GRK5: variants seen among roughly 807,000 people sequenced by gnomAD.
The protein encoded by GRK5 is G protein-coupled receptor kinase 5, also known as g protein-coupled receptor kinase GRK5.
A neutral mutation model predicts 78.4 loss-of-function variants in GRK5; 40 were observed. The ratio of observed to expected loss-of-function variants is 0.51; its 90% CI spans 0.40 to 0.66. The LOEUF is 0.66. Among genes scored for constraint, GRK5 ranks in the 30% least tolerant of loss-of-function variants. GRK5 has a pLI of 0.00. For missense variants in GRK5, 598 were observed against 759.9 expected, an observed-to-expected ratio of 0.79 and a Z score of 2.50; for synonymous variants, 289 against 296.8, an observed-to-expected ratio of 0.97 and a Z score of 0.27.
chr10:119,315,360 G>C (rs1236771354), intron 1 of GRK5, among the ~76,000 whole-genome samples: 1 of 152,230 alleles, frequency 6.6e-6, no homozygotes, highest in African/African-American at 2.4e-5. Flanking sequence ...TGGATGAAAA[G>C]AGACTTAGAA....
chr10:119,290,929 G>A (rs1263737114), intron 1 of GRK5, among the ~76,000 whole-genome samples: 4 of 152,174 alleles, frequency 2.6e-5, no homozygotes, highest in African/African-American at 9.7e-5. Flanking sequence ...GCCTGTCCAA[G>A]TCAGAGACAG....
At chr10:119,387,293 C>T (rs532133981) in intron 3 of GRK5, among the ~76,000 whole-genome samples, 22 of 152,278 alleles carry the variant, frequency 1.4e-4, no homozygotes, top group African/African-American at 4.8e-4. Context: ...CGTGAGCCAC[C>T]GTGCCCGGCC....
At chr10:119,393,704 G>A (rs1204098615) in intron 3 of GRK5, among the ~76,000 whole-genome samples, 2 of 152,204 alleles carry the variant, frequency 1.3e-5, no homozygotes, top group East Asian at 1.9e-4. Flanking sequence ...CTTTGGAGAC[G>A]CCACTGCTGC....
chr10:119,269,233 C>G (rs1282276941), intron 1 of GRK5, among the ~76,000 whole-genome samples: 1 of 152,156 alleles, frequency 6.6e-6, no homozygotes, highest in Non-Finnish European at 1.5e-5. Flanking sequence ...TGTTGAAGCA[C>G]GAGCCTCTTC....
At chr10:119,263,719 C>T (rs1344208182) in intron 1 of GRK5, among the ~76,000 whole-genome samples, 4 of 152,006 alleles carry the variant, frequency 2.6e-5, no homozygotes, top group African/African-American at 7.2e-5. Flanking sequence ...GTCAGAAGAT[C>T]GAGACCGTAC....
At chr10:119,359,139 G>A (rs886304043) in intron 2 of GRK5, among the ~76,000 whole-genome samples, 1 of 152,184 alleles carries the variant, frequency 6.6e-6, no homozygotes, top group African/African-American at 2.4e-5. Context: ...ACACCAGGGG[G>A]GTTGCTGGTG....
chr10:119,372,529 A>C (rs1204845796), intron 2 of GRK5, among the ~76,000 whole-genome samples: 1 of 152,212 alleles, frequency 6.6e-6, no homozygotes, highest in African/African-American at 2.4e-5. Context: ...CAAGGGACTG[A>C]AACCCAACTC....
chr10:119,411,380 C>T (rs1399243228), intron 4 of GRK5, among the ~76,000 whole-genome samples: 1 of 152,146 alleles, frequency 6.6e-6, no homozygotes, highest in Non-Finnish European at 1.5e-5. Context: ...GCCCAGAGAC[C>T]CCTTAGACTC....
intron 4 of GRK5, among the ~76,000 whole-genome samples, chr10:119,416,590 T>A (rs1408705560): frequency 2.8e-3 from 1 of 356 alleles, no homozygotes; most frequent in Non-Finnish European, 7.8e-3. Flanking sequence ...TCTCTCTCTC[T>A]TTTTTTTTTT....
intron 1 of GRK5, among the ~76,000 whole-genome samples, chr10:119,251,323 A>G (rs1849196157): frequency 1.3e-5 from 2 of 152,244 alleles, no homozygotes; most frequent in South Asian, 4.1e-4. Context: ...AAGGCTCTGT[A>G]AGAGTATTTC....
chr10:119,254,884 A>G (rs1458864955), intron 1 of GRK5, among the ~76,000 whole-genome samples: 2 of 151,978 alleles, frequency 1.3e-5, no homozygotes, highest in Non-Finnish European at 2.9e-5. Context: ...GTGAAACCCC[A>G]TCTCTACTAA....
intron 4 of GRK5, among the ~76,000 whole-genome samples, chr10:119,406,278 A>G (rs1379475941): frequency 6.6e-6 from 1 of 152,228 alleles, no homozygotes. Context: ...GGAAATGGAA[A>G]TGCTGGCTTG....
chr10:119,244,913 T>G (rs1456598192), intron 1 of GRK5, among the ~76,000 whole-genome samples: 1 of 152,220 alleles, frequency 6.6e-6, no homozygotes, highest in Non-Finnish European at 1.5e-5. Context: ...GAAAATAGTA[T>G]GGAGGTTCCT....
At chr10:119,362,047 A>G (rs1017854691) in intron 2 of GRK5, among the ~76,000 whole-genome samples, 12 of 151,554 alleles carry the variant, frequency 7.9e-5, no homozygotes, top group Non-Finnish European at 1.3e-4. Flanking sequence ...AAGCTGTCCC[A>G]CCTCCATACT....
At chr10:119,261,904 G>T (rs1849413049) in intron 1 of GRK5, among the ~76,000 whole-genome samples, 1 of 151,058 alleles carries the variant, frequency 6.6e-6, no homozygotes, top group African/African-American at 2.4e-5. Context: ...AGAGGGAGAG[G>T]GAGACCATGG....
chr10:119,292,242 C>T (rs555658719), intron 1 of GRK5, among the ~76,000 whole-genome samples: 1 of 147,112 alleles, frequency 6.8e-6, no homozygotes, highest in Non-Finnish European at 1.5e-5. Flanking sequence ...CCTCCTATTC[C>T]TCCTTCCCCT....
At chr10:119,333,608 TGTG>T in intron 2 of GRK5, 2 of 372,660 alleles carry the variant, frequency 5.4e-6, no homozygotes, top group Non-Finnish European at 1.1e-5. Flanking sequence ...TGCATAAACG[TGTG>T]GGCAGGGCCC....
intron 1 of GRK5, among the ~76,000 whole-genome samples, chr10:119,260,003 G>A (rs374522139): frequency 4.0e-5 from 6 of 151,872 alleles, no homozygotes; most frequent in African/African-American, 1.5e-4. Flanking sequence ...CTTGAGATCA[G>A]TTGTTTTTTT....
At chr10:119,256,191 C>T (rs1190686632) in intron 1 of GRK5, among the ~76,000 whole-genome samples, 1 of 152,138 alleles carries the variant, frequency 6.6e-6, no homozygotes. Flanking sequence ...GCCACCCTCT[C>T]GCTGCCTGCA....
Sources: gnomAD v4.1 joint callset for allele counts (sites outside exome capture counted in the v4.1 genomes callset) on GRCh38, gnomAD v4.1.1 for gene constraint, MANE v1.5 for transcripts, NCBI Gene and HGNC (gene_info 2026-07-23, HGNC 2026-07-21) for gene names.